ZBBX: variants seen among roughly 807,000 people sequenced by gnomAD.
The protein encoded by ZBBX is zinc finger B-box domain containing, also known as zinc finger B-box domain-containing protein 1.
Under a neutral mutation model 108.5 loss-of-function variants are expected in ZBBX, and 101 were observed. The ratio of observed to expected loss-of-function variants is 0.93; its 90% CI spans 0.79 to 1.10. The LOEUF is 1.10. Among genes scored for constraint, ZBBX ranks in the 50% least tolerant of loss-of-function variants. The pLI is 0.00. For missense variants in ZBBX, 1,009 were observed against 941.4 expected (o/e 1.07, Z -0.94); for synonymous variants, 356 against 323.4 (o/e 1.10, Z -1.08).
At chr3:167,323,239 G>GGT (rs1553815513) in intron 11 of ZBBX, among the ~76,000 whole-genome samples, 8 of 20,348 alleles carry the variant, frequency 3.9e-4, no homozygotes, top group Admixed American at 6.4e-4. Flanking sequence ...AGCTAAAAGA[G>GGT]GGGGGGGGGG....
At chr3:167,378,421 A>G (rs541633327) in intron 2 of ZBBX, among the ~76,000 whole-genome samples, 2 of 152,346 alleles carry the variant, frequency 1.3e-5, no homozygotes, top group Admixed American at 1.3e-4. Context: ...ACTGAATTTA[A>G]GGTCAGAAAA....
intron 9 of ZBBX, among the ~76,000 whole-genome samples, chr3:167,350,100 ACCTAT>A (rs1742366388): frequency 6.6e-6 from 1 of 152,038 alleles, no homozygotes; most frequent in Non-Finnish European, 1.5e-5. Context: ...ATTTAAAATA[ACCTAT>A]GTGTTCATTT....
chr3:167,275,309 C>T (rs1014245494), intron 20 of ZBBX, among the ~76,000 whole-genome samples: 2 of 152,336 alleles, frequency 1.3e-5, no homozygotes, highest in Middle Eastern at 3.4e-3. Flanking sequence ...CTCCGGTCTA[C>T]AGCTCCCAGC....
chr3:167,349,457 G>C (rs1742268924), intron 9 of ZBBX, among the ~76,000 whole-genome samples: 1 of 151,530 alleles, frequency 6.6e-6, no homozygotes, highest in Non-Finnish European at 1.5e-5. Context: ...AACATTGAGT[G>C]GTCACTCAAA....
At chr3:167,336,266 C>T (rs1464033403) in intron 9 of ZBBX, among the ~76,000 whole-genome samples, 2 of 151,778 alleles carry the variant, frequency 1.3e-5, no homozygotes, top group Admixed American at 1.3e-4. Context: ...GTGAAAAACC[C>T]ACATTTTTTA....
intron 20 of ZBBX, among the ~76,000 whole-genome samples, chr3:167,265,469 C>T (rs1362446557): frequency 6.6e-6 from 1 of 152,136 alleles, no homozygotes; most frequent in Non-Finnish European, 1.5e-5. Context: ...AAGACAAAGC[C>T]CTCCTTACTC....
At chr3:167,288,374 T>A (rs1181119604) in intron 19 of ZBBX, among the ~76,000 whole-genome samples, 1 of 152,178 alleles carries the variant, frequency 6.6e-6, no homozygotes, top group East Asian at 1.9e-4. Flanking sequence ...TGAACTGAAA[T>A]GAAGATTCCA....
intron 2 of ZBBX, among the ~76,000 whole-genome samples, chr3:167,379,061 C>T (rs956745977): frequency 6.6e-6 from 1 of 152,158 alleles, no homozygotes; most frequent in Non-Finnish European, 1.5e-5. Context: ...TAATAATGTG[C>T]TAAGTATGTA....
At chr3:167,405,854 G>T (rs1748566569) in intron 1 of ZBBX, among the ~76,000 whole-genome samples, 1 of 152,146 alleles carries the variant, frequency 6.6e-6, no homozygotes, top group South Asian at 2.1e-4. Flanking sequence ...TGGATCACTT[G>T]AGGTCAGGAG....
At chr3:167,405,594 T>C (rs188892838) in intron 1 of ZBBX, among the ~76,000 whole-genome samples, 2 of 152,188 alleles carry the variant, frequency 1.3e-5, no homozygotes, top group East Asian at 1.9e-4. Context: ...AATAAAAATA[T>C]GAAGGTGAAG....
At chr3:167,394,425 G>T (rs1364890988) in intron 1 of ZBBX, among the ~76,000 whole-genome samples, 1 of 151,862 alleles carries the variant, frequency 6.6e-6, no homozygotes, top group African/African-American at 2.4e-5. Context: ...ACACAATTTA[G>T]GATTTAATAA....
chr3:167,289,471 G>T (rs1410115822), intron 18 of ZBBX, among the ~76,000 whole-genome samples: 1 of 152,206 alleles, frequency 6.6e-6, no homozygotes, highest in Non-Finnish European at 1.5e-5. Context: ...AGGAGGGCAA[G>T]CCAAAGCAGG....
At chr3:167,340,962 G>C (rs1217470529) in intron 9 of ZBBX, among the ~76,000 whole-genome samples, 1 of 151,950 alleles carries the variant, frequency 6.6e-6, no homozygotes, top group African/African-American at 2.4e-5. Context: ...TATGGTATTT[G>C]CAAGAGTAGT....
intron 2 of ZBBX, among the ~76,000 whole-genome samples, chr3:167,375,919 T>A (rs1182389025): frequency 1.3e-5 from 2 of 152,206 alleles, no homozygotes; most frequent in African/African-American, 4.8e-5. Flanking sequence ...CACAAACATG[T>A]ATTTAACTGT....
chr3:167,250,372 T>G (rs934715006), intron 20 of ZBBX, among the ~76,000 whole-genome samples: 2 of 152,194 alleles, frequency 1.3e-5, no homozygotes, highest in East Asian at 1.9e-4. Context: ...AAAGTTTAAC[T>G]GCTCCCATAA....
chr3:167,263,401 C>T (rs1724925553), intron 20 of ZBBX, among the ~76,000 whole-genome samples: 2 of 152,036 alleles, frequency 1.3e-5, no homozygotes, highest in African/African-American at 2.4e-5. Context: ...TCATTGTATC[C>T]TATAGGTTTT....
chr3:167,203,279 A>T, the ZBBX span, among the ~76,000 whole-genome samples: 1 of 152,034 alleles, frequency 6.6e-6, no homozygotes, highest in South Asian at 2.1e-4. Flanking sequence ...TCTTCTGTTT[A>T]TAGCAACACC....
intron 10 of ZBBX, among the ~76,000 whole-genome samples, chr3:167,332,272 C>T (rs986880986): frequency 1.7e-4 from 22 of 129,470 alleles, no homozygotes; most frequent in African/African-American, 6.1e-4. Context: ...AGGAGTTAAA[C>T]ACACACACAC....
At chr3:167,250,505 C>T (rs796890469) in intron 20 of ZBBX, among the ~76,000 whole-genome samples, 2 of 150,960 alleles carry the variant, frequency 1.3e-5, no homozygotes, top group African/African-American at 4.9e-5. Flanking sequence ...ACACATGTTT[C>T]ACCCATGCAT....
Sources: allele counts gnomAD v4.1 joint callset (sites outside exome capture counted in the v4.1 genomes callset), GRCh38; gene constraint gnomAD v4.1.1; transcripts MANE v1.5; gene names NCBI Gene and HGNC (gene_info 2026-07-23, HGNC 2026-07-21).